Variants in MMP16 observed in about 807,000 individuals in gnomAD.
The protein encoded by MMP16 is matrix metalloproteinase-16.
In MMP16, 12 loss-of-function variants were observed where a neutral mutation model predicts 67.8. The observed-to-expected ratio is 0.18, with a 90% CI of 0.11 to 0.29. The LOEUF (loss-of-function observed/expected upper bound fraction) is 0.29. MMP16 is among the 10% of genes least tolerant of loss of function. The pLI is 1.00. For synonymous variants in MMP16, 249 were observed against 255.9 expected (o/e 0.97, Z 0.26); for missense variants, 475 against 765.7 (o/e 0.62, Z 4.48).
chr8:88,093,364 A>C (rs1197679714), intron 6 of MMP16, among the ~76,000 whole-genome samples: 2 of 151,990 alleles, frequency 1.3e-5, no homozygotes, highest in South Asian at 4.1e-4. Flanking sequence ...CTATAAATTG[A>C]TAAGTTGCCA....
At chr8:88,194,587 A>G (rs945627091) in intron 2 of MMP16, among the ~76,000 whole-genome samples, 1 of 151,934 alleles carries the variant, frequency 6.6e-6, no homozygotes, top group African/African-American at 2.4e-5. Context: ...GCGACAGCAG[A>G]AAAAAATAGG....
chr8:88,095,243 T>C (rs1809006292), intron 6 of MMP16, among the ~76,000 whole-genome samples: 2 of 151,896 alleles, frequency 1.3e-5, no homozygotes, highest in African/African-American at 4.8e-5. Context: ...AAGTTTATTA[T>C]AACTACAGGT....
intron 1 of MMP16, among the ~76,000 whole-genome samples, chr8:88,325,273 A>T (rs1475411879): frequency 6.6e-6 from 1 of 152,190 alleles, no homozygotes; most frequent in Non-Finnish European, 1.5e-5. Flanking sequence ...AAGAAATACA[A>T]TCTTTTATGT....
chr8:88,142,479 A>C (rs992670103), intron 4 of MMP16, among the ~76,000 whole-genome samples: 1 of 152,128 alleles, frequency 6.6e-6, no homozygotes, highest in African/African-American at 2.4e-5. Context: ...AAAGTGATTA[A>C]ATTTATCAGA....
chr8:88,270,818 TTAAA>T (rs888906546), intron 1 of MMP16, among the ~76,000 whole-genome samples: 2 of 152,206 alleles, frequency 1.3e-5, no homozygotes, highest in African/African-American at 4.8e-5. Context: ...TTTATCCAAC[TTAAA>T]TAGTTTTATA....
At position 88,039,583 on chromosome 8, in the gene MMP16, T is replaced by C. The variant is rs1262955864; in HGVS notation, c.*1878A>G. 1 of 152,630 alleles carries C rather than the reference T, an allele frequency of 6.6e-6. No individual in the cohort carries two copies. The allele number at this position is 152,630 out of a possible 1,614,324, so 9.5% of individuals were successfully genotyped here. ...TTCACAGAAGACAATGTTTAAGTTGTTGTTAATGACAGTCAATAGATCAAT... is the reference window on the plus strand; with the variant it reads ...TTCACAGAAGACAATGTTTAAGTTGCTGTTAATGACAGTCAATAGATCAAT... On this transcript the variant is annotated 3_prime_UTR_variant, in exon 10 of 10. Transcript: ENST00000286614. The surrounding 1 kb of genome is among the most constrained non-coding windows in gnomAD (Gnocchi z 4.5).
At chr8:88,281,085 T>G (rs73282661) in intron 1 of MMP16, among the ~76,000 whole-genome samples, 1 of 152,234 alleles carries the variant, frequency 6.6e-6, no homozygotes. Flanking sequence ...CAAAGCAGAG[T>G]ACAAGACTTG....
chr8:88,126,038 T>G (rs946200768), intron 4 of MMP16, among the ~76,000 whole-genome samples: 1 of 151,922 alleles, frequency 6.6e-6, no homozygotes, highest in South Asian at 2.1e-4. Flanking sequence ...TACAAATTAT[T>G]ATTTATATGG....
chr8:88,147,908 A>G (rs1808321980), intron 4 of MMP16, among the ~76,000 whole-genome samples: 2 of 152,108 alleles, frequency 1.3e-5, no homozygotes. Context: ...TGCACTTTGC[A>G]TACTCTTTCC....
chr8:88,296,945 A>T lies in MMP16; in HGVS notation c.132+30130T>A, dbSNP rs185675210. Among the ~76,000 whole-genome samples the T allele has an allele frequency of 1.3e-3, 197 of 151,788 alleles. No homozygotes were observed. In the Middle Eastern group the frequency reaches 0.014, roughly 11 times the overall value. ...GAAAATAAATAAATAATTAAATAAT[A>T]AAAAAAAGCAAATTCAAAATTCAAA... On this transcript the variant is annotated intron_variant, in intron 1 of 9. Transcript: ENST00000286614.
At chr8:88,276,087 C>T (rs1810644996) in intron 1 of MMP16, among the ~76,000 whole-genome samples, 1 of 152,012 alleles carries the variant, frequency 6.6e-6, no homozygotes, top group Admixed American at 6.6e-5. Context: ...AGTCTCTTAA[C>T]ATTTAAAGTT....
At chr8:88,086,727 T>C (rs1248296423) in intron 6 of MMP16, among the ~76,000 whole-genome samples, 2 of 151,896 alleles carry the variant, frequency 1.3e-5, no homozygotes, top group Non-Finnish European at 2.9e-5. Flanking sequence ...ACATAGACAA[T>C]GTATTCAATT....
intron 1 of MMP16, among the ~76,000 whole-genome samples, chr8:88,288,889 T>A (rs1037739892): frequency 9.2e-5 from 14 of 152,034 alleles, no homozygotes; most frequent in Non-Finnish European, 2.9e-5. Flanking sequence ...AAACAAAGAG[T>A]CTTTGGACAT....
At chr8:88,091,563 ACACACACT>A (rs1217316424) in intron 6 of MMP16, among the ~76,000 whole-genome samples, 1 of 150,056 alleles carries the variant, frequency 6.7e-6, no homozygotes, top group African/African-American at 2.5e-5. Context: ...ACACACAAAC[ACACACACT>A]CACACACACA....
chr8:88,125,456 A>G (rs1383839823), intron 4 of MMP16, among the ~76,000 whole-genome samples: 2 of 151,970 alleles, frequency 1.3e-5, no homozygotes, highest in African/African-American at 4.8e-5. Context: ...AAGTATTTTC[A>G]GAAATATGTA....
intron 7 of MMP16, among the ~76,000 whole-genome samples, chr8:88,061,125 TATACACACAC>T (rs1033590316): frequency 8.6e-6 from 1 of 116,640 alleles, no homozygotes; most frequent in Admixed American, 8.9e-5. Context: ...ATCTGAATAT[TATACACACAC>T]ACACACACAC....
intron 6 of MMP16, among the ~76,000 whole-genome samples, chr8:88,105,151 C>CTT (rs11300654): frequency 1.9e-4 from 27 of 143,148 alleles, no homozygotes; most frequent in Admixed American, 1.8e-3. Flanking sequence ...TTTATCTCAT[C>CTT]TTTTTTTTTT....
At chr8:88,099,248 A>AT (rs1809089070) in intron 6 of MMP16, among the ~76,000 whole-genome samples, 2 of 151,736 alleles carry the variant, frequency 1.3e-5, no homozygotes, top group Non-Finnish European at 2.9e-5. Flanking sequence ...TTTTACTAAA[A>AT]TTTTATTTCC....
chr8:88,277,914 C>T (rs1362060256), intron 1 of MMP16, among the ~76,000 whole-genome samples: 4 of 152,122 alleles, frequency 2.6e-5, no homozygotes, highest in African/African-American at 9.7e-5. Flanking sequence ...ATTTGATATG[C>T]TGATATTTGA....
Sources: gnomAD v4.1 joint callset for allele counts (sites outside exome capture counted in the v4.1 genomes callset) on GRCh38, gnomAD v4.1.1 for gene constraint, Gnocchi (gnomAD v3.1) non-coding constraint, MANE v1.5 for transcripts, NCBI Gene and HGNC (gene_info 2026-07-23, HGNC 2026-07-21) for gene names.